The following RIMKLB variants were observed in gnomAD, a reference collection of about 807,000 sequenced individuals.
RIMKLB encodes ribosomal modification protein rimK like family member B, also known as beta-citrylglutamate synthase B.
In RIMKLB, 7 loss-of-function variants were observed where a neutral mutation model predicts 32.0. That is an observed-to-expected ratio of 0.22 (90% CI 0.12 to 0.41). The LOEUF (loss-of-function observed/expected upper bound fraction) is 0.41, where lower values mean the gene tolerates loss of function less well. Among genes scored for constraint, RIMKLB ranks in the 10% least tolerant of loss-of-function variants. The pLI, the probability that RIMKLB is intolerant of heterozygous loss-of-function variation, is 1.00. For missense variants in RIMKLB, 289 were observed against 498.7 expected, an observed-to-expected ratio of 0.58 and a Z score of 4.00; for synonymous variants, 172 against 185.1, an observed-to-expected ratio of 0.93 and a Z score of 0.57.
chr12:8,767,419 C>T (rs868212432), intron 5 of RIMKLB, among the ~76,000 whole-genome samples: 1 of 151,710 alleles, frequency 6.6e-6, no homozygotes, highest in Non-Finnish European at 1.5e-5. Flanking sequence ...TGTAGAGCTT[C>T]CTTAGATCCC....
At chr12:8,725,292 T>A (rs1209638260) in intron 2 of RIMKLB, among the ~76,000 whole-genome samples, 1 of 152,064 alleles carries the variant, frequency 6.6e-6, no homozygotes, top group Non-Finnish European at 1.5e-5. Flanking sequence ...TATTATTATT[T>A]TTTGAGATGG....
chr12:8,719,058 C>T (rs1239158990), intron 2 of RIMKLB, among the ~76,000 whole-genome samples: 1 of 152,068 alleles, frequency 6.6e-6, no homozygotes, highest in East Asian at 1.9e-4. Flanking sequence ...TGTTCATCCT[C>T]CTCCTTCCCT....
At chr12:8,722,335 C>G (rs746742879) in intron 2 of RIMKLB, among the ~76,000 whole-genome samples, 2 of 151,938 alleles carry the variant, frequency 1.3e-5, no homozygotes, top group East Asian at 3.9e-4. Context: ...CTTGGGTGAC[C>G]AGGTGCATCA....
intron 1 of RIMKLB, among the ~76,000 whole-genome samples, chr12:8,698,895 C>T (rs371199550): frequency 1.3e-5 from 2 of 152,092 alleles, no homozygotes; most frequent in East Asian, 1.9e-4. Context: ...ATTGCTTGTC[C>T]AGTTTTGATT....
chr12:8,686,376 CT>C (rs2136546397), intron 1 of RIMKLB, among the ~76,000 whole-genome samples: 1 of 152,168 alleles, frequency 6.6e-6, no homozygotes, highest in East Asian at 1.9e-4. Flanking sequence ...CAACCTTCGC[CT>C]TCCAGGCTCA....
At chr12:8,720,035 A>G (rs999480897) in intron 2 of RIMKLB, among the ~76,000 whole-genome samples, 3 of 152,196 alleles carry the variant, frequency 2.0e-5, no homozygotes, top group African/African-American at 7.2e-5. Context: ...ATGGTAAAGA[A>G]TGAAGCCTTC....
intron 1 of RIMKLB, among the ~76,000 whole-genome samples, chr12:8,683,777 C>T (rs919941830): frequency 1.3e-5 from 2 of 152,160 alleles, no homozygotes; most frequent in Non-Finnish European, 2.9e-5. Flanking sequence ...GACAGAGTCT[C>T]GCTCCTGCCG....
chr12:8,759,190 A>T (rs1949318059), intron 5 of RIMKLB, among the ~76,000 whole-genome samples: 1 of 152,112 alleles, frequency 6.6e-6, no homozygotes, highest in Admixed American at 6.6e-5. Context: ...TGAGGTCAGG[A>T]GTTTGAGACC....
At chr12:8,752,338 AG>A (rs1292377881) in intron 4 of RIMKLB, among the ~76,000 whole-genome samples, 1 of 152,224 alleles carries the variant, frequency 6.6e-6, no homozygotes, top group Non-Finnish European at 1.5e-5. Flanking sequence ...GGATCGCCTG[AG>A]GTCAGGAGTT....
Position 8,773,688 on chromosome 12 carries a change from TGA to T in RIMKLB, c.1066_1067del (p.Glu356LysfsTer24). 1 of 1,614,232 alleles carries T rather than the reference TGA, an allele frequency of 6.2e-7. No individual in the cohort carries two copies. The highest frequency in any genetic ancestry group is 8.5e-7 in the Non-Finnish European group (1 of 1,180,046). Reference protein sequence around the residue: ...ASSSSVDSDPESTERELLTKL... With the variant: ...ASSSSVDSDPXSTERELLTKL... ...GTTCCAGCTCTGTTGACAGCGACCCTGAAAGCACGGAGCGAGAGCTGCTCACC... is the reference window on the plus strand; with the variant it reads ...GTTCCAGCTCTGTTGACAGCGACCCTAAGCACGGAGCGAGAGCTGCTCACC... On this transcript the variant is annotated frameshift_variant, in exon 6 of 6. Transcript: ENST00000535829. LOFTEE classifies it high-confidence loss of function.
chr12:8,718,190 G>A (rs1040071552), intron 2 of RIMKLB, among the ~76,000 whole-genome samples: 3 of 152,062 alleles, frequency 2.0e-5, no homozygotes, highest in Admixed American at 2.0e-4. Flanking sequence ...GATTTCCATT[G>A]TTGATACCCA....
intron 1 of RIMKLB, chr12:8,681,960 C>G (rs1480687931): frequency 1.3e-5 from 2 of 151,892 alleles, no homozygotes; most frequent in African/African-American, 4.8e-5. Context: ...TGGGAGCAGT[C>G]TTGTGGGACT....
chr12:8,676,949 C>T (rs1942346771), upstream of RIMKLB, among the ~76,000 whole-genome samples: 1 of 151,998 alleles, frequency 6.6e-6, no homozygotes, highest in Admixed American at 6.6e-5. Flanking sequence ...GGAATGTCAC[C>T]ACTCGGGCAT....
At chr12:8,750,641 GATCA>G (rs932868399) in intron 3 of RIMKLB, among the ~76,000 whole-genome samples, 2 of 151,304 alleles carry the variant, frequency 1.3e-5, no homozygotes, top group African/African-American at 4.9e-5. Context: ...TTTTTTAAAA[GATCA>G]ATCTGTGGTA....
At position 8,774,032 on chromosome 12, in the gene RIMKLB, C is replaced by A; in HGVS notation, c.*248C>A. ...AAAAATGTCAGGCTCTCATAGTTAC[C>A]CTTTTAAATTGCTAAAAAATGTGTA... On this transcript the variant is annotated 3_prime_UTR_variant, in exon 6 of 6. Transcript: ENST00000535829. 7.8e-7 allele frequency: 1 copy of A among 1,279,476 alleles called. No individual in the cohort carries two copies. Among genetic ancestry groups the A allele is most frequent in the Non-Finnish European group, 9.9e-7 (1 of 1,013,832 alleles). 79.3% of individuals were successfully genotyped at this position (1,279,476 alleles called of 1,614,324 possible).
chr12:8,732,085 CCTAGAA>C (rs911978517), intron 2 of RIMKLB, among the ~76,000 whole-genome samples: 7 of 151,776 alleles, frequency 4.6e-5, no homozygotes, highest in African/African-American at 1.2e-4. Flanking sequence ...GGTCCCTTGG[CCTAGAA>C]CTAGAACTAG....
chr12:8,719,578 A>C (rs1485758930), intron 2 of RIMKLB, among the ~76,000 whole-genome samples: 1 of 152,114 alleles, frequency 6.6e-6, no homozygotes, highest in Non-Finnish European at 1.5e-5. Flanking sequence ...CATGTTGGCC[A>C]GGCTGGACTC....
At chr12:8,773,191 A>C (rs1950540583) in intron 5 of RIMKLB, 130 bp from the exon 6 acceptor site, 1 of 657,402 alleles carries the variant, frequency 1.5e-6, no homozygotes, top group Non-Finnish European at 2.6e-6. Context: ...AGAAGTCCTA[A>C]TTTTACACTA....
intron 2 of RIMKLB, among the ~76,000 whole-genome samples, chr12:8,733,315 A>T (rs1946716012): frequency 1.3e-5 from 2 of 152,154 alleles, no homozygotes; most frequent in Admixed American, 6.5e-5. Context: ...CAAAAAAAAA[A>T]AAAAGACTCA....
Sources: gnomAD v4.1 joint callset for allele counts (sites outside exome capture counted in the v4.1 genomes callset) on GRCh38, gnomAD v4.1.1 for gene constraint, MANE v1.5 for transcripts, NCBI Gene and HGNC (gene_info 2026-07-23, HGNC 2026-07-21) for gene names.